Variants in ZNF536 observed in about 807,000 individuals in gnomAD.
ZNF536 encodes zinc finger protein 536.
In ZNF536, 13 loss-of-function variants were observed where a neutral mutation model predicts 84.5. That is an observed-to-expected ratio of 0.15 (90% CI 0.10 to 0.24). The LOEUF is 0.24. ZNF536 is among the 10% of genes least tolerant of loss of function. The pLI, the probability that ZNF536 is intolerant of heterozygous loss-of-function variation, is 1.00. For missense variants in ZNF536, 1,536 were observed against 1,747.5 expected (o/e 0.88, Z 2.16); for synonymous variants, 811 against 742.5 (o/e 1.09, Z -1.50).
At chr19:30,492,102 G>C (rs2054533643) in intron 2 of ZNF536, among the ~76,000 whole-genome samples, 1 of 151,856 alleles carries the variant, frequency 6.6e-6, no homozygotes, top group African/African-American at 2.4e-5. Context: ...GTGAGGGTGG[G>C]GGTGGGCAGG....
chr19:30,606,242 TA>T (rs1194568726), intron 1 of ZNF536, among the ~76,000 whole-genome samples: 30 of 67,468 alleles, frequency 4.4e-4, no homozygotes, highest in African/African-American at 1.1e-3. Context: ...TAAAATAAAA[TA>T]AAATAAAATA....
intron 1 of ZNF536, among the ~76,000 whole-genome samples, chr19:30,408,321 C>T (rs967248728): frequency 1.3e-5 from 2 of 152,162 alleles, no homozygotes; most frequent in African/African-American, 2.4e-5. Flanking sequence ...TGTCTGCTCA[C>T]GGGTGTTAAG....
At chr19:30,424,728 A>C (rs953353901) in intron 1 of ZNF536, among the ~76,000 whole-genome samples, 1 of 152,174 alleles carries the variant, frequency 6.6e-6, no homozygotes, top group African/African-American at 2.4e-5. Flanking sequence ...AACATAGCTA[A>C]AATCACTTCT....
chr19:30,548,585 G>A lies in ZNF536; in HGVS notation c.2966G>A (p.Gly989Asp), dbSNP rs770649844. ...SVRPDAASLP[G>D]SSVTVQDSIA... Reference sequence around the variant, plus strand: ...CGGCCAGATGCCGCCTCCCTCCCGGGCTCCTCGGTAACTGTGCAGGACAGC... The same window carrying A: ...CGGCCAGATGCCGCCTCCCTCCCGGACTCCTCGGTAACTGTGCAGGACAGC... The change falls in exon 4 of 5, where the codon GGC becomes GAC. Residue 989 changes from glycine to aspartate, a missense_variant. This residue lies in a region of ZNF536 where 624 missense variants were observed against 603.1 expected (regional missense o/e 1.03). Coordinates refer to ENST00000355537, the MANE Select transcript of ZNF536 (RefSeq NM_014717.3). The A allele has an allele frequency of 1.2e-6, 2 of 1,614,132 alleles. No individual in the cohort carries two copies. Among genetic ancestry groups the A allele is most frequent in the Non-Finnish European group, 1.7e-6 (2 of 1,180,040 alleles).
intron 2 of ZNF536, among the ~76,000 whole-genome samples, chr19:30,474,421 G>A (rs2053764287): frequency 6.6e-6 from 1 of 151,888 alleles, no homozygotes; most frequent in African/African-American, 2.4e-5. Flanking sequence ...TCTGGGTCTT[G>A]TTCCTCACGT....
At chr19:30,378,655 C>T (rs751698430) in intron 1 of ZNF536, among the ~76,000 whole-genome samples, 11 of 152,196 alleles carry the variant, frequency 7.2e-5, no homozygotes, top group Admixed American at 3.3e-4. Context: ...CCCTTGAGGT[C>T]TCTGCCCTTC....
At chr19:30,337,122 C>T (rs940713183) in intron 2 of ZNF536, among the ~76,000 whole-genome samples, 3 of 152,090 alleles carry the variant, frequency 2.0e-5, no homozygotes, top group African/African-American at 7.2e-5. Context: ...TCCTTTACCC[C>T]GGAGTTAGTC....
chr19:30,386,469 C>T (rs1429773758), intron 1 of ZNF536, among the ~76,000 whole-genome samples: 1 of 152,188 alleles, frequency 6.6e-6, no homozygotes, highest in Non-Finnish European at 1.5e-5. Context: ...GTCGACCTCT[C>T]TGGGCTCAGG....
chr19:30,348,799 C>CT (rs902502106), intron 2 of ZNF536, among the ~76,000 whole-genome samples: 1,620 of 115,856 alleles, frequency 0.014, 9 homozygotes, highest in South Asian at 0.02. Context: ...CATCCATTTT[C>CT]TTTTTTTTTC....
downstream of ZNF536, among the ~76,000 whole-genome samples, chr19:30,561,674 G>A (rs965409967): frequency 8.5e-5 from 13 of 152,174 alleles, no homozygotes; most frequent in Non-Finnish European, 5.9e-5. Context: ...ACTACGTGGA[G>A]CTCCTCTTGG....
chr19:30,402,848 A>G (rs1005934499), intron 1 of ZNF536, among the ~76,000 whole-genome samples: 6 of 138,924 alleles, frequency 4.3e-5, no homozygotes, highest in Non-Finnish European at 9.6e-5. Context: ...GATTTAAACT[A>G]AACTGCTCTC....
At chr19:30,336,003 G>C (rs1431188458) in intron 2 of ZNF536, among the ~76,000 whole-genome samples, 1 of 152,316 alleles carries the variant, frequency 6.6e-6, no homozygotes, top group Non-Finnish European at 1.5e-5. Flanking sequence ...TCTTGGCAAA[G>C]ACTGGGGTGA....
intron 2 of ZNF536, among the ~76,000 whole-genome samples, chr19:30,468,101 G>T (rs2053490907): frequency 6.6e-6 from 1 of 152,254 alleles, no homozygotes; most frequent in South Asian, 2.1e-4. Context: ...ACGCTGCGTG[G>T]TTTCTGTAGG....
At chr19:30,407,357 A>G (rs1229568282) in intron 1 of ZNF536, among the ~76,000 whole-genome samples, 2 of 152,098 alleles carry the variant, frequency 1.3e-5, no homozygotes, top group East Asian at 1.9e-4. Flanking sequence ...TCACACTACA[A>G]CTATAGTCAT....
At chr19:30,513,080 G>C (rs1242258352) in intron 2 of ZNF536, among the ~76,000 whole-genome samples, 1 of 151,580 alleles carries the variant, frequency 6.6e-6, no homozygotes, top group Non-Finnish European at 1.5e-5. Context: ...ACACACTTAG[G>C]TCACCAGTTC....
At chr19:30,341,439 C>T (rs2047561848) in intron 2 of ZNF536, among the ~76,000 whole-genome samples, 1 of 152,218 alleles carries the variant, frequency 6.6e-6, no homozygotes, top group African/African-American at 2.4e-5. Context: ...CAAAAGATGA[C>T]AGGCAGGGCC....
At chr19:30,560,589 C>T (rs184252772), downstream of ZNF536, among the ~76,000 whole-genome samples, 310 of 152,296 alleles carry the variant, frequency 2.0e-3, 2 homozygotes, top group Middle Eastern at 3.4e-3. Flanking sequence ...ACCACCCCCC[C>T]GCCCCATTGT....
chr19:30,500,065 G>A lies in ZNF536; in HGVS notation c.2171-34782G>A, dbSNP rs138432975. On this transcript the variant is annotated intron_variant, in intron 2 of 4. Transcript: ENST00000355537. ...ATGCCAGCTCTTTTTACCAAAGAGG[G>A]TAATTTTTTCTAAATAATTTCTTAG... 7.0e-3 allele frequency among the ~76,000 whole-genome samples: 1,063 copies of A among 152,316 alleles called. 8 individuals are homozygous for A. Among genetic ancestry groups the A allele is most frequent in the African/African-American group, 0.024 (991 of 41,560 alleles).
At chr19:30,242,623 C>T (rs2024017567) in intron 1 of ZNF536, among the ~76,000 whole-genome samples, 2 of 152,186 alleles carry the variant, frequency 1.3e-5, no homozygotes, top group Admixed American at 6.5e-5. Flanking sequence ...GGACCTGACC[C>T]TTTGAGGAGG....
Sources: allele counts gnomAD v4.1 joint callset (sites outside exome capture counted in the v4.1 genomes callset), GRCh38; gene constraint gnomAD v4.1.1; regional missense constraint gnomAD v4.1.1; transcripts MANE v1.5; gene names NCBI Gene and HGNC (gene_info 2026-07-23, HGNC 2026-07-21).